Variants in MBD6 observed in about 807,000 individuals in gnomAD.
MBD6 encodes the protein methyl-CpG-binding domain protein 6.
Under a neutral mutation model 66.8 loss-of-function variants are expected in MBD6, and 22 were observed. The ratio of observed to expected loss-of-function variants is 0.33; its 90% CI spans 0.24 to 0.47. The LOEUF (loss-of-function observed/expected upper bound fraction) is 0.47. Among genes scored for constraint, MBD6 ranks in the 20% least tolerant of loss-of-function variants. The pLI is 1.00. For missense variants in MBD6, 1,322 were observed against 1,286.9 expected, an observed-to-expected ratio of 1.03 and a Z score of -0.42; for synonymous variants, 540 against 534.6, an observed-to-expected ratio of 1.01 and a Z score of -0.14.
Position 57,526,670 on chromosome 12 carries a change from C to T in MBD6, c.1525C>T (p.Leu509=). The T allele has an allele frequency of 6.6e-7, 1 of 1,524,108 alleles. No homozygotes were observed. Among genetic ancestry groups the T allele is most frequent in the Non-Finnish European group, 8.8e-7 (1 of 1,137,140 alleles). The allele number at this position is 1,524,108 out of a possible 1,614,324, so 94.4% of individuals were successfully genotyped here. ...LGMGAGPACP[L]PPLAGGEAFP... ...GATGGGGGCAGGCCCGGCCTGCCCT[C>T]TGCCTCCCCTGGCTGGTGGAGAGGC... The change falls in exon 7 of 13, where the codon CTG becomes TTG. Residue 509 remains leucine (L), a synonymous_variant. Transcript: ENST00000355673.
downstream of MBD6, among the ~76,000 whole-genome samples, chr12:57,531,468 G>A (rs1879701087): frequency 6.6e-6 from 1 of 152,122 alleles, no homozygotes; most frequent in African/African-American, 2.4e-5. Context: ...AGTGAGCTGA[G>A]ATCACACCAC....
rs766116341 is a variant in MBD6 at position 57,526,711 on chromosome 12, C to T, written c.1566C>T (p.Ser522=). 1.3e-6 allele frequency: 2 copies of T among 1,550,058 alleles called. No homozygotes were observed. The highest frequency in any genetic ancestry group is 1.7e-6 in the Non-Finnish European group (2 of 1,146,846). Residue 522 remains serine, a synonymous_variant, in exon 7 of 13, where the codon AGC becomes AGT. Transcript: ENST00000355673. ...GTGGAGAGGCTTTCCCTTTCCCCAG[C>T]CCTGAGCAGGGCCTGGCACTGAGTG... is the stretch of plus-strand genomic sequence containing the variant. The part of the protein sequence containing the change: ...LAGGEAFPFP[S]PEQGLALSGA...
chr12:57,527,888 C>T lies in MBD6; in HGVS notation c.2277C>T (p.Pro759=), dbSNP rs758291788. ...SSLTSSPGAL[P]SLLQPPGPLL... The stretch of plus-strand genomic sequence containing the variant: ...TGACCAGCAGCCCTGGAGCCCTCCC[C>T]AGCCTGTTGCAGCCTCCTGGCCCTC... The change falls in exon 9 of 13, where the codon CCC becomes CCT. Residue 759 remains proline, a synonymous_variant. Transcript: ENST00000355673. 5.0e-6 allele frequency: 8 copies of T among 1,613,894 alleles called. No homozygotes were observed. Among genetic ancestry groups the T allele is most frequent in the South Asian group, 4.4e-5 (4 of 91,070 alleles).
At position 57,525,010 on chromosome 12, in the gene MBD6, G is replaced by A. The variant is rs1248510369; in HGVS notation, c.274G>A (p.Ala92Thr). 3 of 1,611,922 alleles carry A rather than the reference G, an allele frequency of 1.9e-6. No homozygotes were observed. The highest frequency in any genetic ancestry group is 1.1e-5 in the South Asian group (1 of 90,970). ...VTPGGAGVGPASEEDMTKLCN... is the reference protein window; with the variant it reads ...VTPGGAGVGPTSEEDMTKLCN... ...CCCGGGTGGGGCTGGGGTGGGGCCAGCATCAGAGGAGGACATGACCAAGCT... is the reference window on the plus strand; with the variant it reads ...CCCGGGTGGGGCTGGGGTGGGGCCAACATCAGAGGAGGACATGACCAAGCT... The change falls in exon 5 of 13, where the codon GCA becomes ACA. Residue 92 changes from alanine (A) to threonine (T), a missense_variant. Physicochemically the swap from Ala to Thr is moderately conservative, Grantham distance 58 (BLOSUM62 0). Coordinates refer to ENST00000355673, the MANE Select transcript of MBD6 (RefSeq NM_052897.4).
In MBD6 at chr12:57,525,843, C is replaced by T; in HGVS notation, c.875C>T (p.Ser292Leu). The stretch of plus-strand genomic sequence containing the variant: ...CCTGCCTCTCAGCCACCAGTGTCTT[C>T]AGCCACTATGCACCTGCCCCTGGTC... ...PGPASQPPVS[S>L]ATMHLPLVLG... Residue 292 changes from serine to leucine, a missense_variant, in exon 6 of 13, where the codon TCA becomes TTA. Transcript: ENST00000355673. 2 of 1,584,180 alleles carry T rather than the reference C, an allele frequency of 1.3e-6. No individual in the cohort carries two copies. The highest frequency in any genetic ancestry group is 1.7e-6 in the Non-Finnish European group (2 of 1,162,876).
upstream of MBD6, chr12:57,522,117 T>C (rs1369552004): frequency 6.6e-6 from 1 of 151,558 alleles, no homozygotes; most frequent in Non-Finnish European, 1.5e-5. Context: ...GCAGCCAGAG[T>C]TTAAGTAGAA....
At position 57,525,361 on chromosome 12, in the gene MBD6, C is replaced by T. The variant is rs780465814; in HGVS notation, c.393C>T (p.Ser131=). ...CATTTATTGCAGGAGAGGGAGCGAGCCCCCAAATGTTCCACACTGTGTCCC... is the reference window on the plus strand; with the variant it reads ...CATTTATTGCAGGAGAGGGAGCGAGTCCCCAAATGTTCCACACTGTGTCCC... The part of the protein sequence containing the change: ...CSHSSPGEGA[S]PQMFHTVSPG... Residue 131 remains serine, a synonymous_variant, in exon 6 of 13, where the codon AGC becomes AGT. Coordinates refer to ENST00000355673, the MANE Select transcript of MBD6 (RefSeq NM_052897.4). 3.2e-6 allele frequency: 5 copies of T among 1,563,184 alleles called. No individual in the cohort carries two copies. The African/African-American group carries it at 6.9e-5, about 22-fold the overall frequency.
rs770518587 is a variant in MBD6, at chr12:57,526,892, C to A, written c.1747C>A (p.Pro583Thr). Residue 583 changes from proline (P) to threonine (T), a missense_variant, in exon 7 of 13, where the codon CCT (proline) becomes ACT (threonine). Transcript: ENST00000355673. ...PEPLLPPPGG[P>T]GPPLAPGEPE... ...GCCCCTGCTACCCCCACCAGGAGGA[C>A]CTGGTCCTCCCCTAGCCCCAGGAGA... The A allele has an allele frequency of 4.3e-6, 7 of 1,613,256 alleles. No individual in the cohort carries two copies. The Middle Eastern group carries it at 6.6e-4, about 152-fold the overall frequency.
downstream of MBD6, chr12:57,530,387 A>G: frequency 3.0e-6 from 1 of 329,376 alleles, no homozygotes; most frequent in Non-Finnish European, 5.7e-6. Flanking sequence ...GTTGGGGGAC[A>G]AGACCCAATC....
rs774448346 is a variant in MBD6, at chr12:57,524,380, A to G, written c.77A>G (p.Gln26Arg). Residue 26 changes from glutamine to arginine, a missense_variant, in exon 3 of 13, where the codon CAG becomes CGG. Physicochemically the swap from Gln to Arg is conservative, Grantham distance 43. Transcript: ENST00000355673. ...PVATSVPIGW[Q>R]RCVREGAVLY... ...GCCACATCTGTCCCCATCGGCTGGC[A>G]GCGCTGTGTGCGAGAGGGTGCTGTG... 4 of 1,600,042 alleles carry G rather than the reference A, an allele frequency of 2.5e-6. 1 individual carries two copies. The highest frequency in any genetic ancestry group is 3.3e-4 in the Middle Eastern group (2 of 5,972).
At position 57,527,050 on chromosome 12, in the gene MBD6, T is replaced by C. The variant is rs771912735; in HGVS notation, c.1905T>C (p.Ala635=). ...FLPLLALGPT[A]GDGEGSAEGA... ...CCCTGTTGGCTCTGGGCCCCACAGC[T>C]GGGGATGGGGAGGGATCTGCAGAGG... The change falls in exon 7 of 13, where the codon GCT becomes GCC. Residue 635 remains alanine (A), a synonymous_variant. Coordinates refer to ENST00000355673, the MANE Select transcript of MBD6 (RefSeq NM_052897.4). 2 of 1,609,930 alleles carry C rather than the reference T, an allele frequency of 1.2e-6. No homozygotes were observed. Among genetic ancestry groups the C allele is most frequent in the Non-Finnish European group, 1.7e-6 (2 of 1,177,224 alleles).
At position 57,525,677 on chromosome 12, in the gene MBD6, C is replaced by T. The variant is rs1281926731; in HGVS notation, c.709C>T (p.Leu237=). ...CTGGGGAGCTGCCCTCAGATCCAGCCTGGTGCCCTCTGACCTGGGCTCTCC... is the reference window on the plus strand; with the variant it reads ...CTGGGGAGCTGCCCTCAGATCCAGCTTGGTGCCCTCTGACCTGGGCTCTCC... ...YNWGAALRSS[L]VPSDLGSPPA... The change falls in exon 6 of 13, where the codon CTG becomes TTG. Residue 237 remains leucine, a synonymous_variant. Transcript: ENST00000355673. The T allele has an allele frequency of 1.9e-6, 3 of 1,614,080 alleles. No individual in the cohort carries two copies. Among genetic ancestry groups the T allele is most frequent in the South Asian group, 1.1e-5 (1 of 91,090 alleles).
upstream of MBD6, chr12:57,522,725 G>A: frequency 6.6e-6 from 1 of 152,040 alleles, no homozygotes; most frequent in Non-Finnish European, 1.4e-5. Flanking sequence ...CAGCGGCGGA[G>A]GCGGCGGCTC....
rs1878815834 is a variant in MBD6, at chr12:57,525,429, C to G, written c.461C>G (p.Thr154Arg). 1.3e-6 allele frequency: 2 copies of G among 1,540,080 alleles called. No homozygotes were observed. Among genetic ancestry groups the G allele is most frequent in the African/African-American group, 2.8e-5 (2 of 71,996 alleles). ...SARPPCRVPPTTPLNGGPGSL... is the reference protein window; with the variant it reads ...SARPPCRVPPRTPLNGGPGSL... ...CGCCCTCCCTGTCGAGTTCCTCCTA[C>G]AACTCCACTTAATGGGGGTCCTGGC... The change falls in exon 6 of 13, where the codon ACA (threonine) becomes AGA (arginine). Residue 154 changes from threonine (T) to arginine (R), a missense_variant. Thr to Arg is a moderately conservative substitution (Grantham distance 71). Coordinates refer to ENST00000355673, the MANE Select transcript of MBD6 (RefSeq NM_052897.4).
intron 6 of MBD6, 75 bp downstream of exon 6, chr12:57,526,463 A>G: frequency 6.6e-7 from 1 of 1,520,858 alleles, no homozygotes; most frequent in East Asian, 2.3e-5. Flanking sequence ...GAATGTTCAG[A>G]GAGCTCTTTG....
At position 57,527,217 on chromosome 12, in the gene MBD6, C is replaced by T. The variant is rs1183983291; in HGVS notation, c.2072C>T (p.Thr691Ile). 1.3e-6 allele frequency: 2 copies of T among 1,507,886 alleles called. No individual in the cohort carries two copies. Among genetic ancestry groups the T allele is most frequent in the Admixed American group, 2.3e-5 (1 of 44,260 alleles). 93.4% of individuals were successfully genotyped at this position (1,507,886 alleles called of 1,614,324 possible). A position where few individuals can be genotyped will look rare whatever the true frequency, so the allele number is the denominator to read the frequency against. ...GCCACCCTGGATCCCCCCTCGGGGA[C>T]ACCCCCCCAGGTGAGGATGGGGGTG... ...LAATLDPPSGTPPQPCVLSAP... is the reference protein window; with the variant it reads ...LAATLDPPSGIPPQPCVLSAP... Residue 691 changes from threonine to isoleucine, a missense_variant, in exon 7 of 13, where the codon ACA (threonine) becomes ATA (isoleucine). Thr to Ile is a moderately conservative substitution (Grantham distance 89). Coordinates refer to ENST00000355673, the MANE Select transcript of MBD6 (RefSeq NM_052897.4).
At chr12:57,531,181 C>T (rs886447347), downstream of MBD6, among the ~76,000 whole-genome samples, 2 of 152,196 alleles carry the variant, frequency 1.3e-5, no homozygotes, top group East Asian at 3.9e-4. Flanking sequence ...GCTGGTCTCT[C>T]GACTTTAATG....
rs776685987 is a variant in MBD6 at position 57,527,619 on chromosome 12, C to T, written c.2195C>T (p.Pro732Leu). ...LGKAPSNSGRPPQLLSPLLGA... is the reference protein window; with the variant it reads ...LGKAPSNSGRLPQLLSPLLGA... ...AAGGCCCCCTCCAACTCAGGGAGAC[C>T]CCCCCAACTCCTTAGCCCTCTGCTG... The change falls in exon 8 of 13, where the codon CCC becomes CTC. Residue 732 changes from proline (P) to leucine (L), a missense_variant. Pro to Leu is a moderately conservative substitution (Grantham distance 98, BLOSUM62 -3). Transcript: ENST00000355673. 11 of 1,611,278 alleles carry T rather than the reference C, an allele frequency of 6.8e-6. No individual in the cohort carries two copies. The highest frequency in any genetic ancestry group is 6.7e-5 in the Admixed American group (4 of 59,472).
chr12:57,530,932 T>G (rs1879636270), downstream of MBD6, among the ~76,000 whole-genome samples: 1 of 152,146 alleles, frequency 6.6e-6, no homozygotes, highest in African/African-American at 2.4e-5. Context: ...CAAGCTACCC[T>G]TAGAGTACAT....
Sources: gnomAD v4.1 joint callset for allele counts (sites outside exome capture counted in the v4.1 genomes callset) on GRCh38, gnomAD v4.1.1 for gene constraint, MANE v1.5 for transcripts, NCBI Gene and HGNC (gene_info 2026-07-23, HGNC 2026-07-21) for gene names.